Variants in ZNF517 observed in about 807,000 individuals in gnomAD.
The protein encoded by ZNF517 is zinc finger protein 517.
ZNF517 carries 12 observed loss-of-function variants against 12.1 expected under a neutral mutation model. The observed-to-expected ratio is 0.99, with a 90% CI of 0.63 to 1.61. The LOEUF (loss-of-function observed/expected upper bound fraction) is 1.61. Ranked by LOEUF, ZNF517 falls within the 40% of genes most tolerant of loss-of-function variation. The pLI is 0.00. For missense variants in ZNF517, 781 were observed against 693.2 expected (o/e 1.13, Z -1.42); for synonymous variants, 388 against 310.2 (o/e 1.25, Z -2.63).
downstream of ZNF517, among the ~76,000 whole-genome samples, chr8:144,812,963 A>T (rs1386877468): frequency 6.6e-6 from 1 of 152,160 alleles, no homozygotes; most frequent in South Asian, 2.1e-4. Flanking sequence ...ACCAAAAAAA[A>T]CCAGGAAAGC....
In ZNF517 at chr8:144,807,929, T is replaced by A; in HGVS notation, c.1013T>A (p.Leu338Gln). The change falls in exon 5 of 5, where the codon CTG becomes CAG. Residue 338 changes from leucine to glutamine, a missense_variant. Leu to Gln is a moderately radical substitution (Grantham distance 113). Coordinates refer to ENST00000359971, the MANE Select transcript of ZNF517 (RefSeq NM_213605.3). ...TCCTCGCTCCTGAAGCACCACCGGC[T>A]GCACGCGCAGGAGGGTGCCCAGGAC... ...RGSSLLKHHR[L>Q]HAQEGAQDGG... is the part of the protein sequence containing the mutation. 6.6e-7 allele frequency: 1 copy of A among 1,512,406 alleles called. No homozygotes were observed. Among genetic ancestry groups the A allele is most frequent in the Non-Finnish European group, 8.8e-7 (1 of 1,134,110 alleles). The allele number at this position is 1,512,406 out of a possible 1,614,324, so 93.7% of individuals were successfully genotyped here.
chr8:144,799,195 C>T (rs1826814674), intron 1 of ZNF517, among the ~76,000 whole-genome samples: 1 of 152,158 alleles, frequency 6.6e-6, no homozygotes. Context: ...CGGACGGTTG[C>T]GCAGAGATGA....
rs775759647 is a variant in ZNF517 at position 144,804,239 on chromosome 8, G to T, written c.274+1G>T. ...GTGGCCAAAGCCAGCCTGTGCACAG[G>T]TGAGTACAAAGCACCCACAGGGCGT... On this transcript the variant is annotated splice_donor_variant, in intron 4 of 4. Transcript: ENST00000359971. LOFTEE classifies it high-confidence loss of function. 1.2e-6 allele frequency: 2 copies of T among 1,612,604 alleles called. No individual in the cohort carries two copies. Among genetic ancestry groups the T allele is most frequent in the Admixed American group, 3.3e-5 (2 of 59,978 alleles).
At chr8:144,804,095 A>T (rs2130433308) in intron 3 of ZNF517, 30 bp from the exon 4 acceptor site, 2 of 1,606,846 alleles carry the variant, frequency 1.2e-6, no homozygotes, top group Non-Finnish European at 8.5e-7. Flanking sequence ...TCCTGTACTG[A>T]TACGTGCTGC....
At position 144,808,622 on chromosome 8, in the gene ZNF517, G is replaced by A; in HGVS notation, c.*227G>A. ...GAACCACTATCAGCCACCATTTCCT[G>A]GGGCCTTCCGGAAATGTCCAGGAGC... On this transcript the variant is annotated 3_prime_UTR_variant, in exon 5 of 5. Coordinates refer to ENST00000359971, the MANE Select transcript of ZNF517 (RefSeq NM_213605.3). 2.0e-6 allele frequency: 1 copy of A among 502,194 alleles called. No individual in the cohort carries two copies. Among genetic ancestry groups the A allele is most frequent in the Non-Finnish European group, 3.2e-6 (1 of 314,336 alleles). The allele number at this position is 502,194 out of a possible 1,614,324, so 31.1% of individuals were successfully genotyped here.
chr8:144,812,126 C>G (rs879235114), downstream of ZNF517, among the ~76,000 whole-genome samples: 5 of 78,720 alleles, frequency 6.4e-5, no homozygotes, highest in East Asian at 4.0e-4. Flanking sequence ...AGACTGCAGC[C>G]TGGAAGCAAA....
At position 144,803,748 on chromosome 8, in the gene ZNF517, T is replaced by C; in HGVS notation, c.141T>C (p.Tyr47=). The change falls in exon 3 of 5, where the codon TAT becomes TAC. Residue 47 remains tyrosine, a synonymous_variant. Transcript: ENST00000359971. ...ALYRDVMLEN[Y]GNLASLGFLV... Reference sequence around the variant, plus strand: ...ACAGGGACGTGATGCTGGAGAACTATGGGAACCTGGCCTCACTAGGTGAGG... The same window carrying C: ...ACAGGGACGTGATGCTGGAGAACTACGGGAACCTGGCCTCACTAGGTGAGG... The C allele has an allele frequency of 4.3e-6, 7 of 1,614,128 alleles. No individual in the cohort carries two copies. Among genetic ancestry groups the C allele is most frequent in the Non-Finnish European group, 5.9e-6 (7 of 1,179,962 alleles).
intron 4 of ZNF517, among the ~76,000 whole-genome samples, chr8:144,806,523 C>T (rs1019928286): frequency 3.3e-5 from 5 of 152,150 alleles, no homozygotes; most frequent in South Asian, 2.1e-4. Flanking sequence ...TTGCTTTTGT[C>T]GCCCAGGCTG....
rs1563811380 is a variant in ZNF517 at position 144,808,136 on chromosome 8, G to GC, written c.1221dup (p.Lys408GlnfsTer116). On this transcript the variant is annotated frameshift_variant, in exon 5 of 5. Coordinates refer to ENST00000359971, the MANE Select transcript of ZNF517 (RefSeq NM_213605.3). LOFTEE classifies it low-confidence loss of function (END_TRUNC). ...GCGGAGTGCGGCAAGGCCTTCGGTC[G>GC]CAAGTCCAACCTCACTCTGCACCAG... is the stretch of plus-strand genomic sequence containing the variant. 2.5e-6 allele frequency: 4 copies of GC among 1,611,356 alleles called. No individual in the cohort carries two copies. The highest frequency in any genetic ancestry group is 1.7e-5 in the Admixed American group (1 of 59,822).
At position 144,808,150 on chromosome 8, in the gene ZNF517, ACT is replaced by A; in HGVS notation, c.1237_1238del (p.Leu413AlafsTer110). The A allele has an allele frequency of 1.3e-6, 2 of 1,574,710 alleles. No individual in the cohort carries two copies. Among genetic ancestry groups the A allele is most frequent in the Non-Finnish European group, 1.7e-6 (2 of 1,159,210 alleles). ...GGCCTTCGGTCGCAAGTCCAACCTC[ACT>A]CTGCACCAGAAGATCCACACCAAGG... ...GKAFGRKSNL[T>X]LHQKIHTKEK... On this transcript the variant is annotated frameshift_variant, in exon 5 of 5. Coordinates refer to ENST00000359971, the MANE Select transcript of ZNF517 (RefSeq NM_213605.3). LOFTEE classifies it low-confidence loss of function (END_TRUNC).
chr8:144,811,893 C>T (rs372630703), downstream of ZNF517, among the ~76,000 whole-genome samples: 396 of 112,730 alleles, frequency 3.5e-3, no homozygotes, highest in Admixed American at 8.6e-3. Flanking sequence ...GACAGTAAAG[C>T]TCAGCCAGGT....
chr8:144,804,415 C>T (rs1271937855), intron 4 of ZNF517, among the ~76,000 whole-genome samples, 177 bp downstream of exon 4: 5 of 152,152 alleles, frequency 3.3e-5, no homozygotes, highest in African/African-American at 4.8e-5. Context: ...CTAACTTATG[C>T]AGGAAGACCC....
chr8:144,800,521 A>G, intron 1 of ZNF517: 3 of 985,264 alleles, frequency 3.0e-6, no homozygotes, highest in Non-Finnish European at 3.6e-6. Flanking sequence ...TCGGGGATCA[A>G]GTCTTCTGGC....
At position 144,807,989 on chromosome 8, in the gene ZNF517, C is replaced by G. The variant is rs1463272479; in HGVS notation, c.1073C>G (p.Ala358Gly). The G allele has an allele frequency of 6.5e-7, 1 of 1,544,096 alleles. No homozygotes were observed. Among genetic ancestry groups the G allele is most frequent in the South Asian group, 1.2e-5 (1 of 82,054 alleles). The change falls in exon 5 of 5, where the codon GCG (alanine) becomes GGG (glycine). Residue 358 changes from alanine to glycine, a missense_variant. Ala to Gly is a moderately conservative substitution (Grantham distance 60). Transcript: ENST00000359971. ...GGGCAGGGCGCCCTGCTCGGAGCTG[C>G]GCAGAGGCCCCAGGCGGGGGACCCG... ...GVGQGALLGAAQRPQAGDPPH... is the reference protein window; with the variant it reads ...GVGQGALLGAGQRPQAGDPPH...
chr8:144,807,844 A>T lies in ZNF517; in HGVS notation c.928A>T (p.Ile310Phe). ...RRFTLNEHGR[I>F]HSGERPYRCL... is the part of the protein sequence containing the mutation. ...GTTCACCCTCAACGAGCACGGCCGC[A>T]TCCACAGCGGGGAGCGGCCCTACCG... Residue 310 changes from isoleucine to phenylalanine, a missense_variant, in exon 5 of 5, where the codon ATC becomes TTC. Ile to Phe is a conservative substitution (Grantham distance 21, BLOSUM62 0). Coordinates refer to ENST00000359971, the MANE Select transcript of ZNF517 (RefSeq NM_213605.3). 1.9e-6 allele frequency: 3 copies of T among 1,598,652 alleles called. No homozygotes were observed. The highest frequency in any genetic ancestry group is 2.6e-6 in the Non-Finnish European group (3 of 1,172,910).
At chr8:144,804,048 A>G in intron 3 of ZNF517, 77 bp from the exon 4 acceptor site, 1 of 1,414,048 alleles carries the variant, frequency 7.1e-7, no homozygotes. Context: ...CTGTGCCCTG[A>G]TGGCCTCCAG....
downstream of ZNF517, chr8:144,810,133 G>A (rs1190303980): frequency 5.8e-6 from 4 of 693,902 alleles, no homozygotes; most frequent in Admixed American, 2.0e-5. Context: ...CCCAGCAGAA[G>A]CCAGGAAGGA....
intron 1 of ZNF517, among the ~76,000 whole-genome samples, 183 bp downstream of exon 1, chr8:144,799,120 C>G (rs1006018501): frequency 6.6e-6 from 1 of 152,160 alleles, no homozygotes; most frequent in South Asian, 2.1e-4. Flanking sequence ...GGGCCCTGCG[C>G]CCCGGTCCAT....
At chr8:144,803,186 A>C in intron 2 of ZNF517, 1 of 561,072 alleles carries the variant, frequency 1.8e-6, no homozygotes, top group Non-Finnish European at 3.1e-6. Context: ...CTGAGCTTCT[A>C]TGGTCAGCCA....
Sources: gnomAD v4.1 joint callset for allele counts (sites outside exome capture counted in the v4.1 genomes callset) on GRCh38, gnomAD v4.1.1 for gene constraint, MANE v1.5 for transcripts, NCBI Gene and HGNC (gene_info 2026-07-23, HGNC 2026-07-21) for gene names.